DGKA: variants seen among roughly 807,000 people sequenced by gnomAD.
DGKA encodes diacylglycerol kinase alpha.
A neutral mutation model predicts 105.0 loss-of-function variants in DGKA; 35 were observed. The ratio of observed to expected loss-of-function variants is 0.33; its 90% CI spans 0.25 to 0.44. The LOEUF (loss-of-function observed/expected upper bound fraction) is 0.44. Ranked by LOEUF, DGKA falls within the 20% of genes least tolerant of loss-of-function variation. The probability of loss-of-function intolerance (pLI) is 1.00; values close to 1 mark genes in which losing one functional copy is unlikely to be tolerated. For missense variants in DGKA, 665 were observed against 915.0 expected (o/e 0.73, Z 3.53); for synonymous variants, 296 against 332.0 (o/e 0.89, Z 1.18).
intron 17 of DGKA, among the ~76,000 whole-genome samples, chr12:55,950,597 A>C (rs1242316538): frequency 2.0e-5 from 3 of 152,026 alleles, no homozygotes; most frequent in Middle Eastern, 6.8e-3. Context: ...TGAGCCACTG[A>C]TACCTGGCCA....
At chr12:55,950,031 G>A (rs1007529036) in intron 17 of DGKA, among the ~76,000 whole-genome samples, 2 of 151,542 alleles carry the variant, frequency 1.3e-5, no homozygotes, top group African/African-American at 4.9e-5. Context: ...CTGGAGTGCA[G>A]TGGCGCAATC....
chr12:55,939,145 G>A, intron 7 of DGKA, 41 bp from the exon 8 acceptor site: 1 of 1,609,356 alleles, frequency 6.2e-7, no homozygotes, highest in Non-Finnish European at 8.5e-7. Context: ...TGGGTCTGAA[G>A]ACCCACTCAT....
upstream of DGKA, chr12:55,927,973 TC>T (rs1883228847): frequency 3.5e-6 from 2 of 579,356 alleles, no homozygotes; most frequent in African/African-American, 3.9e-5. Flanking sequence ...CTAATTAAAC[TC>T]GTCCAACCGC....
intron 6 of DGKA, 72 bp from the exon 7 acceptor site, chr12:55,938,843 G>T: frequency 6.3e-7 from 1 of 1,593,120 alleles, no homozygotes; most frequent in South Asian, 1.1e-5. Context: ...CAGGAACACT[G>T]ATTTCTGGAA....
rs778615895 is a variant in DGKA at position 55,940,351 on chromosome 12, CCGGGCGCTG to C, written c.839_847del (p.Gly280_Cys282del). On this transcript the variant is annotated inframe_deletion, in exon 11 of 24. Transcript: ENST00000331886. This position sits in a 1 kb window ranked among gnomAD's most constrained non-coding sequence, Gnocchi z 4.3. ...GTGTGGGTGCGAGGAGGCTGTGAGT[CCGGGCGCTG>C]CGACCGCTGTCAGAAAAAGATCCGG... is the stretch of plus-strand genomic sequence containing the variant. 2 of 1,614,122 alleles carry C rather than the reference CCGGGCGCTG, an allele frequency of 1.2e-6. No homozygotes were observed. The highest frequency in any genetic ancestry group is 1.7e-6 in the Non-Finnish European group (2 of 1,180,052).
At chr12:55,943,599 G>C (rs1412110935) in intron 17 of DGKA, among the ~76,000 whole-genome samples, 1 of 151,804 alleles carries the variant, frequency 6.6e-6, no homozygotes, top group Non-Finnish European at 1.5e-5. Context: ...AAGCCACTCA[G>C]GTATTTGAGT....
intron 17 of DGKA, among the ~76,000 whole-genome samples, chr12:55,951,212 A>G (rs571371565): frequency 6.6e-6 from 1 of 152,130 alleles, no homozygotes; most frequent in Non-Finnish European, 1.5e-5. Flanking sequence ...TTACTATTGA[A>G]CCTTTTATTG....
chr12:55,935,075 A>G (rs1271575404), intron 1 of DGKA, among the ~76,000 whole-genome samples: 1 of 152,220 alleles, frequency 6.6e-6, no homozygotes, highest in African/African-American at 2.4e-5. Flanking sequence ...CCATCTATCA[A>G]CTGCCTTAGG....
Position 55,953,833 on chromosome 12 carries a change from G to A in DGKA, c.*65G>A, listed in dbSNP as rs949058057. 23 of 1,445,722 alleles carry A rather than the reference G, an allele frequency of 1.6e-5. 1 individual carries two copies. The highest frequency in any genetic ancestry group is 1.5e-4 in the South Asian group (13 of 86,624). 89.6% of individuals were successfully genotyped at this position (1,445,722 alleles called of 1,614,324 possible). A position where few individuals can be genotyped will look rare whatever the true frequency, so the allele number is the denominator to read the frequency against. On this transcript the variant is annotated 3_prime_UTR_variant, in exon 24 of 24. Transcript: ENST00000331886. ...CTCCCTGTCCCTGGACTCTACTCCC[G>A]AGGCTCTGTACATTGCTGCCACATA...
Position 55,950,077 on chromosome 12 carries a change from C to T in DGKA, c.1427-1546C>T, listed in dbSNP as rs143725719. ...GCAACCTCCGCCTCATGGGTTCAAG[C>T]GATTCTCCTGCCTCAGCCTCCCAAG... On this transcript the variant is annotated intron_variant, in intron 17 of 23. Coordinates refer to ENST00000331886, the MANE Select transcript of DGKA (RefSeq NM_001345.5). Among the ~76,000 whole-genome samples the T allele has an allele frequency of 1.4e-3, 210 of 151,570 alleles. 5 individuals are homozygous for T. The East Asian group carries it at 0.032, about 23-fold the overall frequency.
At chr12:55,947,781 TTTTTA>T (rs1303444952) in intron 17 of DGKA, among the ~76,000 whole-genome samples, 1 of 152,052 alleles carries the variant, frequency 6.6e-6, no homozygotes, top group African/African-American at 2.4e-5. Context: ...AATATGAACA[TTTTTA>T]TTTTATTTTA....
Position 55,940,140 on chromosome 12 carries a change from C to T in DGKA, c.768C>T (p.Ser256=). The change falls in exon 10 of 24, where the codon AGC becomes AGT. Residue 256 remains serine, a synonymous_variant. Coordinates refer to ENST00000331886, the MANE Select transcript of DGKA (RefSeq NM_001345.5). The surrounding 1 kb of genome is among the most constrained non-coding windows in gnomAD (Gnocchi z 4.3). ...CAMKALPCEV[S]TYAKSRKDIG... is the part of the protein sequence containing the mutation. ...TGAAAGCCCTGCCTTGTGAAGTCAG[C>T]ACCTATGCCAAGTCTCGGAAGGACA... 1 of 1,614,234 alleles carries T rather than the reference C, an allele frequency of 6.2e-7. No homozygotes were observed. Among genetic ancestry groups the T allele is most frequent in the Non-Finnish European group, 8.5e-7 (1 of 1,180,034 alleles).
upstream of DGKA, chr12:55,928,133 A>G (rs1213096312): frequency 1.2e-5 from 3 of 258,562 alleles, no homozygotes; most frequent in Admixed American, 1.6e-4. Context: ...TTGTTCCTTC[A>G]GGGCTAAGTC....
rs1883786600 is a variant in DGKA, at chr12:55,932,454, C to A, written c.-82+1110C>A. 4.4e-6 allele frequency: 3 copies of A among 689,542 alleles called. No homozygotes were observed. Among genetic ancestry groups the A allele is most frequent in the Non-Finnish European group, 8.0e-6 (3 of 377,358 alleles). 42.7% of individuals were successfully genotyped at this position (689,542 alleles called of 1,614,324 possible). A position where few individuals can be genotyped will look rare whatever the true frequency, so the allele number is the denominator to read the frequency against. Reference sequence around the variant, plus strand: ...AGTGCCGCACGGGTGGAGAAGGGTTCTTGTTTGGCCTCCAGGTCCCCAACT... The same window carrying A: ...AGTGCCGCACGGGTGGAGAAGGGTTATTGTTTGGCCTCCAGGTCCCCAACT... On this transcript the variant is annotated intron_variant, in intron 1 of 23. Transcript: ENST00000331886. This position sits in a 1 kb window ranked among gnomAD's most constrained non-coding sequence, Gnocchi z 4.3.
intron 17 of DGKA, chr12:55,942,652 C>A: frequency 4.1e-6 from 1 of 245,080 alleles, no homozygotes. Context: ...AAACAATTAA[C>A]CAGGTAGTCA....
Position 55,940,973 on chromosome 12 carries a change from C to T in DGKA, c.1094C>T (p.Ala365Val), listed in dbSNP as rs776209111. 1 of 1,613,896 alleles carries T rather than the reference C, an allele frequency of 6.2e-7. No individual in the cohort carries two copies. The highest frequency in any genetic ancestry group is 1.7e-5 in the Admixed American group (1 of 60,000). The change falls in exon 13 of 24, where the codon GCT (alanine) becomes GTT (valine). Residue 365 changes from alanine to valine, a missense_variant. Transcript: ENST00000331886. The surrounding 1 kb of genome is among the most constrained non-coding windows in gnomAD (Gnocchi z 4.3). ...MDDLNLSTSE[A>V]LRIDPVPNTH... ...GATTTAAATTTGAGCACCTCTGAGG[C>T]TCTGCGGGTACAGGGCTGAGAGTCT...
chr12:55,927,795 G>A (rs1036479989), upstream of DGKA: 1 of 1,535,366 alleles, frequency 6.5e-7, no homozygotes, highest in Non-Finnish European at 8.7e-7. Context: ...TTGGGCGGGC[G>A]GCCCTGGCCT....
Position 55,938,909 on chromosome 12 carries a change from C to A in DGKA, c.400-6C>A. On this transcript the variant is annotated splice_polypyrimidine_tract_variant and splice_region_variant and intron_variant, in intron 6 of 23. Transcript: ENST00000331886. ...ATGGCTGTGGCTCTTGCCCTTTTTG[C>A]TCCAGGAAGTGGACAAAATTATCCT... The A allele has an allele frequency of 6.2e-7, 1 of 1,614,078 alleles. No homozygotes were observed. The highest frequency in any genetic ancestry group is 8.5e-7 in the Non-Finnish European group (1 of 1,179,978).
chr12:55,933,344 G>A (rs1390143119), intron 1 of DGKA, among the ~76,000 whole-genome samples: 3 of 152,154 alleles, frequency 2.0e-5, no homozygotes, highest in Non-Finnish European at 2.9e-5. Context: ...GGGTAGGGGC[G>A]GGCAGGGAAA....
Sources: allele counts gnomAD v4.1 joint callset (sites outside exome capture counted in the v4.1 genomes callset), GRCh38; gene constraint gnomAD v4.1.1; non-coding constraint Gnocchi (gnomAD v3.1); transcripts MANE v1.5; gene names NCBI Gene and HGNC (gene_info 2026-07-23, HGNC 2026-07-21).